PTPN2: variants seen among roughly 807,000 people sequenced by gnomAD.
PTPN2 encodes the protein tyrosine-protein phosphatase non-receptor type 2.
PTPN2 carries 19 observed loss-of-function variants against 57.3 expected under a neutral mutation model. The observed-to-expected ratio is 0.33, with a 90% CI of 0.23 to 0.49. The LOEUF is 0.49. Among genes scored for constraint, PTPN2 ranks in the 20% least tolerant of loss-of-function variants. PTPN2 has a pLI of 0.99. For missense variants in PTPN2, 358 were observed against 501.1 expected, an observed-to-expected ratio of 0.71 and a Z score of 2.73; for synonymous variants, 153 against 164.9, an observed-to-expected ratio of 0.93 and a Z score of 0.55.
intron 1 of PTPN2, among the ~76,000 whole-genome samples, chr18:12,875,788 G>A (rs2145535230): frequency 6.6e-6 from 1 of 152,350 alleles, no homozygotes; most frequent in African/African-American, 2.4e-5. Context: ...AAGGGGAGTA[G>A]AGAGTGGACA....
chr18:12,856,241 T>C (rs1472614419), intron 2 of PTPN2, among the ~76,000 whole-genome samples: 2 of 151,818 alleles, frequency 1.3e-5, no homozygotes, highest in African/African-American at 4.8e-5. Flanking sequence ...GCCAAGGCGG[T>C]GTGGGGATGT....
At chr18:12,870,340 TAC>T (rs1286429600) in intron 1 of PTPN2, among the ~76,000 whole-genome samples, 68 of 39,686 alleles carry the variant, frequency 1.7e-3, no homozygotes, top group South Asian at 0.012. Flanking sequence ...TGTATATATA[TAC>T]ATATATATGT....
intron 1 of PTPN2, chr18:12,883,869 GCTT>G: frequency 4.6e-6 from 2 of 433,790 alleles, no homozygotes; most frequent in Non-Finnish European, 7.7e-6. Context: ...GCTCAAGTAT[GCTT>G]TTTTTTTTTT....
chr18:12,828,621 A>G (rs569336401), intron 4 of PTPN2, among the ~76,000 whole-genome samples: 115 of 152,348 alleles, frequency 7.5e-4, no homozygotes, highest in African/African-American at 2.7e-3. Context: ...GAAGGGGCTA[A>G]GCAACACTTA....
intron 3 of PTPN2, among the ~76,000 whole-genome samples, chr18:12,835,560 G>A (rs2042834733): frequency 6.6e-6 from 1 of 151,890 alleles, no homozygotes; most frequent in South Asian, 2.1e-4. Flanking sequence ...ATTTTTAGTA[G>A]AGATGGGGTT....
At chr18:12,874,534 G>GT (rs1491543200) in intron 1 of PTPN2, among the ~76,000 whole-genome samples, 2 of 42,940 alleles carry the variant, frequency 4.7e-5, no homozygotes, top group African/African-American at 6.2e-5. Context: ...GGAGGAAGGT[G>GT]GGGGGGGGTC....
intron 1 of PTPN2, chr18:12,862,373 G>C (rs891585209): frequency 6.6e-6 from 1 of 152,160 alleles, no homozygotes; most frequent in Non-Finnish European, 1.5e-5. Context: ...TGGCCAGGCT[G>C]GTCTTGAATT....
At chr18:12,883,965 C>G in intron 1 of PTPN2, 108 bp downstream of exon 1, 5 of 983,618 alleles carry the variant, frequency 5.1e-6, no homozygotes, top group Non-Finnish European at 2.9e-6. Context: ...CCGCCCCGAG[C>G]GAGAGGCTAG....
intron 1 of PTPN2, among the ~76,000 whole-genome samples, chr18:12,862,942 A>G (rs1598871553): frequency 6.6e-6 from 1 of 151,752 alleles, no homozygotes; most frequent in South Asian, 2.1e-4. Context: ...ACCAAATCTC[A>G]ACAGCAACTA....
chr18:12,822,853 A>C (rs908152764), intron 5 of PTPN2, among the ~76,000 whole-genome samples: 5 of 152,148 alleles, frequency 3.3e-5, no homozygotes, highest in Non-Finnish European at 5.9e-5. Flanking sequence ...TGATCAACTA[A>C]AAAGGTAATT....
At chr18:12,867,358 G>A (rs562847316) in intron 1 of PTPN2, among the ~76,000 whole-genome samples, 1 of 151,560 alleles carries the variant, frequency 6.6e-6, no homozygotes, top group Admixed American at 6.6e-5. Context: ...AATAAAAATG[G>A]AACTCCTGTA....
chr18:12,822,665 T>C (rs957162617), intron 5 of PTPN2, among the ~76,000 whole-genome samples: 1 of 152,186 alleles, frequency 6.6e-6, no homozygotes, highest in Admixed American at 6.5e-5. Flanking sequence ...ACTGGATCTC[T>C]GCACCCCAGC....
chr18:12,788,090 A>T (rs937205870), downstream of PTPN2: 4 of 154,850 alleles, frequency 2.6e-5, no homozygotes, highest in Admixed American at 2.0e-4. Context: ...TGAATTAACT[A>T]AACTCAAAAT....
chr18:12,870,392 TGTATATATACAC>T (rs2044188321), intron 1 of PTPN2, among the ~76,000 whole-genome samples: 1 of 67,668 alleles, frequency 1.5e-5, no homozygotes. Context: ...TACGTATATA[TGTATATATACAC>T]GTATATATAT....
At position 12,793,999 on chromosome 18, in the gene PTPN2, T is replaced by C; in HGVS notation, c.*279A>G. 1 of 1,284,192 alleles carries C rather than the reference T, an allele frequency of 7.8e-7. No individual in the cohort carries two copies. The highest frequency in any genetic ancestry group is 9.9e-7 in the Non-Finnish European group (1 of 1,014,880). The allele number at this position is 1,284,192 out of a possible 1,614,324, so 79.5% of individuals were successfully genotyped here. A position where few individuals can be genotyped will look rare whatever the true frequency, so the allele number is the denominator to read the frequency against. ...TCTCAATGTTGGTCAGGTGAAATAC[T>C]GTGTTTGACATGTATGAATACAGTT... On this transcript the variant is annotated 3_prime_UTR_variant, in exon 9 of 9. Coordinates refer to ENST00000309660, the MANE Select transcript of PTPN2 (RefSeq NM_002828.4).
At chr18:12,801,825 T>C in intron 8 of PTPN2, 145 bp downstream of exon 8, 2 of 806,544 alleles carry the variant, frequency 2.5e-6, no homozygotes, top group East Asian at 2.9e-5. Flanking sequence ...CTCCTTGGCC[T>C]CCCAAAGTGT....
Position 12,841,048 on chromosome 18 carries a change from T to C in PTPN2, c.161-4157A>G, listed in dbSNP as rs1014319367. 7.7e-6 allele frequency: 10 copies of C among 1,296,212 alleles called. No homozygotes were observed. In the African/African-American group the frequency reaches 1.3e-4, roughly 17 times the overall value. The allele number at this position is 1,296,212 out of a possible 1,614,324, so 80.3% of individuals were successfully genotyped here. Reference sequence around the variant, plus strand: ...AGGTAAGACATTATTTGTTTGAAGCTTTTAAAAAGGAAAAAAGAAATTATA... The same window carrying C: ...AGGTAAGACATTATTTGTTTGAAGCCTTTAAAAAGGAAAAAAGAAATTATA... On this transcript the variant is annotated intron_variant, in intron 2 of 8. Coordinates refer to ENST00000309660, the MANE Select transcript of PTPN2 (RefSeq NM_002828.4).
intron 2 of PTPN2, among the ~76,000 whole-genome samples, chr18:12,847,964 G>A (rs2043270403): frequency 6.6e-6 from 1 of 151,314 alleles, no homozygotes; most frequent in Admixed American, 6.6e-5. Context: ...AACAGTGAGT[G>A]AGAAAATCTT....
chr18:12,870,513 T>G (rs1182166686), intron 1 of PTPN2, among the ~76,000 whole-genome samples: 9 of 120,716 alleles, frequency 7.5e-5, no homozygotes, highest in Non-Finnish European at 1.3e-4. Flanking sequence ...GCGTGTTGTT[T>G]TTTTTTTTTT....
Sources: allele counts gnomAD v4.1 joint callset (sites outside exome capture counted in the v4.1 genomes callset), GRCh38; gene constraint gnomAD v4.1.1; transcripts MANE v1.5; gene names NCBI Gene and HGNC (gene_info 2026-07-23, HGNC 2026-07-21).